The following NTRK3 variants were observed in gnomAD, a reference collection of about 807,000 sequenced individuals.
NTRK3 encodes the protein NT-3 growth factor receptor.
Under a neutral mutation model 91.7 loss-of-function variants are expected in NTRK3, and 24 were observed. The ratio of observed to expected loss-of-function variants is 0.26; its 90% CI spans 0.19 to 0.37. The LOEUF is 0.37. Among genes scored for constraint, NTRK3 ranks in the 10% least tolerant of loss-of-function variants. The pLI is 1.00. For synonymous variants in NTRK3, 483 were observed against 404.0 expected (o/e 1.20, Z -2.34); for missense variants, 880 against 1,068.9 (o/e 0.82, Z 2.46).
chr15:87,958,381 C>T (rs926961225), intron 14 of NTRK3, among the ~76,000 whole-genome samples: 7 of 152,118 alleles, frequency 4.6e-5, no homozygotes, highest in Admixed American at 1.3e-4. Context: ...CTGAAGGATG[C>T]TCAGATATCA....
intron 15 of NTRK3, among the ~76,000 whole-genome samples, chr15:87,937,360 A>T (rs1024849116): frequency 1.3e-5 from 2 of 152,236 alleles, no homozygotes; most frequent in African/African-American, 4.8e-5. Flanking sequence ...GAATGCTTTT[A>T]AAAAACCTGC....
At chr15:88,254,416 C>T (rs900325405) in intron 3 of NTRK3, among the ~76,000 whole-genome samples, 4 of 152,096 alleles carry the variant, frequency 2.6e-5, no homozygotes, top group South Asian at 2.1e-4. Flanking sequence ...CATCTCTGGC[C>T]GGGTTGAAGA....
At chr15:88,134,787 C>T (rs748650896) in intron 10 of NTRK3, among the ~76,000 whole-genome samples, 3 of 152,190 alleles carry the variant, frequency 2.0e-5, no homozygotes, top group Non-Finnish European at 2.9e-5. Flanking sequence ...AGAGTCTCCC[C>T]ACAAGTAAAG....
At chr15:87,912,858 T>C (rs3903308) in intron 17 of NTRK3, among the ~76,000 whole-genome samples, 82,470 of 147,682 alleles carry the variant, frequency 0.56, 24,871 homozygotes, top group African/African-American at 0.8. Flanking sequence ...ATTGAATCAA[T>C]GTCTGCTTGG....
At chr15:87,887,628 G>A (rs1202393214) in intron 17 of NTRK3, among the ~76,000 whole-genome samples, 1 of 152,126 alleles carries the variant, frequency 6.6e-6, no homozygotes, top group Non-Finnish European at 1.5e-5. Context: ...CTTCCTCCAA[G>A]GTGACCAATA....
At chr15:88,229,158 A>G (rs2050950543) in intron 3 of NTRK3, among the ~76,000 whole-genome samples, 1 of 152,182 alleles carries the variant, frequency 6.6e-6, no homozygotes, top group South Asian at 2.1e-4. Context: ...AAACCCCTAT[A>G]TGTTTAAGCC....
chr15:87,941,149 T>C (rs1391695535), intron 14 of NTRK3, among the ~76,000 whole-genome samples: 1 of 152,188 alleles, frequency 6.6e-6, no homozygotes, highest in Non-Finnish European at 1.5e-5. Flanking sequence ...CCAGTGGGTC[T>C]GAGAATCTAC....
At chr15:87,947,884 C>A (rs947496990) in intron 14 of NTRK3, among the ~76,000 whole-genome samples, 1 of 152,056 alleles carries the variant, frequency 6.6e-6, no homozygotes, top group Admixed American at 6.5e-5. Flanking sequence ...CTGGGAGCTC[C>A]AACTCTGGGT....
intron 14 of NTRK3, among the ~76,000 whole-genome samples, chr15:88,000,414 A>G (rs548575857): frequency 2.0e-5 from 3 of 152,294 alleles, no homozygotes; most frequent in Admixed American, 6.5e-5. Flanking sequence ...TTATGGAAAT[A>G]TAATTCACAA....
chr15:88,245,949 GA>G (rs747107134), intron 3 of NTRK3, among the ~76,000 whole-genome samples: 2 of 152,292 alleles, frequency 1.3e-5, no homozygotes, highest in Non-Finnish European at 2.9e-5. Flanking sequence ...CAGTGGACCA[GA>G]TTTGAAAAGC....
At chr15:88,194,048 C>G (rs1013099871) in intron 3 of NTRK3, among the ~76,000 whole-genome samples, 1 of 152,202 alleles carries the variant, frequency 6.6e-6, no homozygotes, top group Non-Finnish European at 1.5e-5. Flanking sequence ...CAAATCCAAT[C>G]GACTCTTCTC....
chr15:88,093,977 G>A (rs1017681159), intron 13 of NTRK3, among the ~76,000 whole-genome samples: 3 of 152,130 alleles, frequency 2.0e-5, no homozygotes, highest in Non-Finnish European at 2.9e-5. Flanking sequence ...CCTCAGCAAG[G>A]TCACCTGTGT....
At chr15:88,050,713 T>G (rs1330088771) in intron 13 of NTRK3, among the ~76,000 whole-genome samples, 1 of 152,210 alleles carries the variant, frequency 6.6e-6, no homozygotes, top group Non-Finnish European at 1.5e-5. Flanking sequence ...TTATAAATAA[T>G]TAGCTCATTT....
intron 15 of NTRK3, among the ~76,000 whole-genome samples, chr15:87,936,811 G>T (rs953836418): frequency 6.6e-6 from 1 of 152,016 alleles, no homozygotes; most frequent in Non-Finnish European, 1.5e-5. Flanking sequence ...AAAGAAGATG[G>T]GTAGTTATTA....
chr15:88,082,551 C>T (rs1173915531), intron 13 of NTRK3, among the ~76,000 whole-genome samples: 1 of 152,146 alleles, frequency 6.6e-6, no homozygotes, highest in Non-Finnish European at 1.5e-5. Context: ...ATCTGACTTC[C>T]ATCCACATTG....
At chr15:88,245,697 T>TACAC (rs34043028) in intron 3 of NTRK3, among the ~76,000 whole-genome samples, 14 of 151,114 alleles carry the variant, frequency 9.3e-5, no homozygotes, top group Admixed American at 2.6e-4. Flanking sequence ...AAAATAGTTT[T>TACAC]ACACACACAC....
intron 13 of NTRK3, among the ~76,000 whole-genome samples, chr15:88,069,743 C>G (rs1237918421): frequency 1.3e-5 from 2 of 152,230 alleles, no homozygotes; most frequent in South Asian, 4.1e-4. Context: ...AGCTTTCCAT[C>G]TGCCTCTTCT....
At chr15:87,963,858 C>T (rs867088180) in intron 14 of NTRK3, among the ~76,000 whole-genome samples, 14 of 152,092 alleles carry the variant, frequency 9.2e-5, no homozygotes, top group East Asian at 5.8e-4. Context: ...AGGGGTCATA[C>T]GGCTTTATGT....
At chr15:88,058,839 TATC>T (rs2045952735) in intron 13 of NTRK3, among the ~76,000 whole-genome samples, 1 of 152,170 alleles carries the variant, frequency 6.6e-6, no homozygotes, top group Admixed American at 6.5e-5. Flanking sequence ...TGATGATAAT[TATC>T]ATGATGATGG....
Sources: allele counts gnomAD v4.1 joint callset (sites outside exome capture counted in the v4.1 genomes callset), GRCh38; gene constraint gnomAD v4.1.1; transcripts MANE v1.5; gene names NCBI Gene and HGNC (gene_info 2026-07-23, HGNC 2026-07-21).